ADAM32: variants seen among roughly 807,000 people sequenced by gnomAD.
The protein encoded by ADAM32 is ADAM metallopeptidase domain 32.
Under a neutral mutation model 114.9 loss-of-function variants are expected in ADAM32, and 89 were observed. That is an observed-to-expected ratio of 0.77 (90% CI 0.65 to 0.92). ADAM32 has a LOEUF of 0.92. Among genes scored for constraint, ADAM32 ranks in the 40% least tolerant of loss-of-function variants. ADAM32 has a pLI of 0.00. For synonymous variants in ADAM32, 285 were observed against 307.5 expected (o/e 0.93, Z 0.77); for missense variants, 870 against 932.8 (o/e 0.93, Z 0.88).
At chr8:39,190,099 T>C (rs1013229235) in intron 11 of ADAM32, among the ~76,000 whole-genome samples, 1 of 152,248 alleles carries the variant, frequency 6.6e-6, no homozygotes, top group Non-Finnish European at 1.5e-5. Flanking sequence ...TCTATATCTT[T>C]ATGAGTTAAA....
chr8:39,155,654 G>A (rs1451194132), intron 6 of ADAM32, among the ~76,000 whole-genome samples: 4 of 152,158 alleles, frequency 2.6e-5, no homozygotes, highest in African/African-American at 9.6e-5. Flanking sequence ...ACCAGTTGTG[G>A]ATCTCGACTC....
intron 24 of ADAM32, among the ~76,000 whole-genome samples, chr8:39,284,378 T>TACACACACACACACACACACACAC (rs367964426): frequency 2.8e-5 from 4 of 142,032 alleles, no homozygotes; most frequent in African/African-American, 1.0e-4. Context: ...CACACACACG[T>TACACACACACACACACACACACAC]ACACACACAC....
At chr8:39,242,043 T>A (rs955253400) in intron 16 of ADAM32, among the ~76,000 whole-genome samples, 4 of 152,164 alleles carry the variant, frequency 2.6e-5, no homozygotes, top group Admixed American at 2.6e-4. Context: ...ATCATCTCTC[T>A]CAAGTTCAAA....
chr8:39,169,003 C>T (rs1805027537), intron 9 of ADAM32: 4 of 152,022 alleles, frequency 2.6e-5, no homozygotes, highest in Non-Finnish European at 5.9e-5. Context: ...GCATTAGGAA[C>T]AAATACTTGG....
chr8:39,151,261 T>A, intron 5 of ADAM32, 116 bp from the exon 6 acceptor site: 3 of 887,908 alleles, frequency 3.4e-6, no homozygotes. Flanking sequence ...TAAGACAGAA[T>A]TCAGAAAAAA....
At chr8:39,256,194 T>C (rs1334942179) in intron 18 of ADAM32, among the ~76,000 whole-genome samples, 1 of 151,978 alleles carries the variant, frequency 6.6e-6, no homozygotes, top group Admixed American at 6.6e-5. Flanking sequence ...TTTCTAACAT[T>C]AAAATATCAT....
rs564791642 is a variant in ADAM32, at chr8:39,225,984, A to G, written c.1525+2746A>G. 4.6e-5 allele frequency among the ~76,000 whole-genome samples: 7 copies of G among 152,354 alleles called. No homozygotes were observed. The East Asian group carries it at 1.3e-3, about 29-fold the overall frequency. On this transcript the variant is annotated intron_variant, in intron 14 of 24. Coordinates refer to ENST00000379907, the MANE Select transcript of ADAM32 (RefSeq NM_145004.7). ...TCTTCAAATTGCCTGAACAAGATTC[A>G]AAATAATTGTTCTAAGGATACTCAG...
chr8:39,257,143 AG>A (rs778705152), intron 18 of ADAM32, 43 bp from the exon 19 acceptor site: 13 of 1,473,296 alleles, frequency 8.8e-6, no homozygotes, highest in Non-Finnish European at 1.1e-5. Context: ...AAAAGTAGAT[AG>A]TTTAATTTTT....
chr8:39,138,028 G>A (rs1023569140), intron 3 of ADAM32, among the ~76,000 whole-genome samples: 10 of 152,072 alleles, frequency 6.6e-5, no homozygotes, highest in African/African-American at 2.4e-4. Flanking sequence ...TGTGTATATC[G>A]TTTTGAGAAA....
intron 24 of ADAM32, among the ~76,000 whole-genome samples, chr8:39,284,053 C>A (rs563100596): frequency 1.2e-4 from 18 of 152,240 alleles, no homozygotes; most frequent in Admixed American, 5.2e-4. Flanking sequence ...GGATTACAGG[C>A]GTGAGCCATC....
intron 10 of ADAM32, among the ~76,000 whole-genome samples, chr8:39,171,187 C>T (rs983986530): frequency 1.3e-5 from 2 of 152,120 alleles, no homozygotes; most frequent in Non-Finnish European, 2.9e-5. Context: ...CTGCCTGCCT[C>T]GGTGCTGCCT....
intron 17 of ADAM32, among the ~76,000 whole-genome samples, chr8:39,252,092 A>G (rs959235436): frequency 2.0e-5 from 3 of 151,838 alleles, no homozygotes; most frequent in African/African-American, 7.2e-5. Context: ...ATTTTATGCC[A>G]GTACCATGGT....
chr8:39,195,943 G>C (rs970605798), intron 11 of ADAM32, among the ~76,000 whole-genome samples: 1 of 152,124 alleles, frequency 6.6e-6, no homozygotes, highest in Non-Finnish European at 1.5e-5. Flanking sequence ...GTATGATCAT[G>C]ATAACAGTAT....
chr8:39,159,742 G>A (rs534346767), intron 6 of ADAM32, among the ~76,000 whole-genome samples: 11 of 152,300 alleles, frequency 7.2e-5, no homozygotes, highest in African/African-American at 2.6e-4. Flanking sequence ...GAAAGCTCTT[G>A]AGCAAAACCT....
At chr8:39,284,181 T>C (rs1813631458) in intron 24 of ADAM32, among the ~76,000 whole-genome samples, 1 of 152,224 alleles carries the variant, frequency 6.6e-6, no homozygotes, top group Non-Finnish European at 1.5e-5. Context: ...CTTAAGTTTA[T>C]TGAGAACTTG....
chr8:39,127,512 G>A (rs865806034), intron 2 of ADAM32, among the ~76,000 whole-genome samples: 1 of 151,970 alleles, frequency 6.6e-6, no homozygotes, highest in African/African-American at 2.4e-5. Context: ...TTTCTGTGGG[G>A]TCAATGGTGA....
Position 39,152,683 on chromosome 8 carries a change from T to A in ADAM32, c.525+1135T>A, listed in dbSNP as rs1174983784. On this transcript the variant is annotated intron_variant, in intron 6 of 24. Transcript: ENST00000379907. ...TTGCAGTGAGCTGAGATCACACCAC[T>A]GCACTCCAGCCTGGGTGACAGGGCA... Among the ~76,000 whole-genome samples, 6 of 145,794 alleles carry A rather than the reference T, an allele frequency of 4.1e-5. No homozygotes were observed. The South Asian group carries it at 6.3e-4, about 15-fold the overall frequency.
intron 17 of ADAM32, among the ~76,000 whole-genome samples, chr8:39,251,428 C>T (rs1811300912): frequency 6.6e-6 from 1 of 151,556 alleles, no homozygotes; most frequent in Non-Finnish European, 1.5e-5. Flanking sequence ...GAGATTATAT[C>T]TCATAATTCT....
At chr8:39,264,185 A>G (rs541756775) in intron 19 of ADAM32, among the ~76,000 whole-genome samples, 276 of 152,092 alleles carry the variant, frequency 1.8e-3, no homozygotes, top group Non-Finnish European at 1.6e-3. Context: ...ATTGTGTGTC[A>G]CTGGGGTTTG....
Sources: gnomAD v4.1 joint callset for allele counts (sites outside exome capture counted in the v4.1 genomes callset) on GRCh38, gnomAD v4.1.1 for gene constraint, MANE v1.5 for transcripts, NCBI Gene and HGNC (gene_info 2026-07-23, HGNC 2026-07-21) for gene names.